The following BRD7 variants were observed in gnomAD, a reference collection of about 807,000 sequenced individuals.
BRD7 encodes the protein bromodomain containing 7, also known as bromodomain-containing protein 7.
Under a neutral mutation model 82.1 loss-of-function variants are expected in BRD7, and 15 were observed. The observed-to-expected ratio is 0.18, with a 90% CI of 0.12 to 0.28. BRD7 has a LOEUF of 0.28. Ranked by LOEUF, BRD7 falls within the 10% of genes least tolerant of loss-of-function variation. The pLI is 1.00. For missense variants in BRD7, 638 were observed against 779.9 expected (o/e 0.82, Z 2.17); for synonymous variants, 232 against 266.9 (o/e 0.87, Z 1.27).
chr16:50,320,110 C>A, intron 15 of BRD7, 80 bp from the exon 16 acceptor site: 1 of 1,515,302 alleles, frequency 6.6e-7, no homozygotes. Context: ...TAAATGTACA[C>A]ATGCAAAGAA....
At chr16:50,321,935 C>T (rs1350349083) in intron 13 of BRD7, 47 bp downstream of exon 13, 1 of 1,548,074 alleles carries the variant, frequency 6.5e-7, no homozygotes, top group Non-Finnish European at 8.9e-7. Flanking sequence ...TCTTACTCCC[C>T]TTATTTTCCA....
intron 5 of BRD7, among the ~76,000 whole-genome samples, chr16:50,342,984 T>C (rs1215216739): frequency 6.6e-6 from 1 of 152,156 alleles, no homozygotes; most frequent in Non-Finnish European, 1.5e-5. Flanking sequence ...GTATATATAT[T>C]ATAAGTTTTC....
chr16:50,324,930 C>T (rs111706459), intron 11 of BRD7, among the ~76,000 whole-genome samples: 45 of 152,308 alleles, frequency 3.0e-4, no homozygotes, highest in African/African-American at 7.2e-4. Flanking sequence ...CAGTCAACTT[C>T]GGACTTAAGG....
intron 5 of BRD7, among the ~76,000 whole-genome samples, chr16:50,342,473 T>TTC (rs2038107586): frequency 1.3e-5 from 2 of 149,158 alleles, no homozygotes; most frequent in African/African-American, 5.0e-5. Flanking sequence ...TTTTTTTTTT[T>TTC]TTTGAGATGG....
intron 2 of BRD7, among the ~76,000 whole-genome samples, chr16:50,356,812 GGTA>G (rs1428175409): frequency 6.6e-6 from 1 of 151,872 alleles, no homozygotes; most frequent in Admixed American, 6.6e-5. Flanking sequence ...GTATCAAGAT[GGTA>G]GTTTTATTAT....
chr16:50,334,931 G>T (rs750647482), intron 6 of BRD7, 36 bp from the exon 7 acceptor site: 2 of 1,586,622 alleles, frequency 1.3e-6, no homozygotes. Context: ...TTATATGTTT[G>T]TCATTAACTT....
chr16:50,320,798 A>C (rs1253176040), intron 13 of BRD7, 24 bp from the exon 14 acceptor site: 1 of 1,526,648 alleles, frequency 6.6e-7, no homozygotes, highest in East Asian at 2.2e-5. Context: ...AAAAACAGGC[A>C]ATTACTGGCG....
At chr16:50,365,013 G>A (rs2039085096) in intron 2 of BRD7, among the ~76,000 whole-genome samples, 2 of 152,146 alleles carry the variant, frequency 1.3e-5, no homozygotes, top group South Asian at 2.1e-4. Flanking sequence ...GGAGACGGAA[G>A]GCAAATGGGG....
chr16:50,328,651 G>A lies in BRD7; in HGVS notation c.1087+18C>T, dbSNP rs775705058. 1 of 1,608,282 alleles carries A rather than the reference G, an allele frequency of 6.2e-7. No homozygotes were observed. Among genetic ancestry groups the A allele is most frequent in the Non-Finnish European group, 8.5e-7 (1 of 1,177,524 alleles). ...CCAAATAGCATCAAGTTCATGCACA[G>A]TTTTACTCTGATCCTACCTCCTACA... On this transcript the variant is annotated intron_variant, in intron 9 of 16. Coordinates refer to ENST00000394688, the MANE Select transcript of BRD7 (RefSeq NM_013263.5).
Position 50,368,770 on chromosome 16 carries a change from C to T in BRD7, c.5G>A (p.Gly2Asp), listed in dbSNP as rs1380828577. The T allele has an allele frequency of 4.5e-6, 7 of 1,542,626 alleles. No homozygotes were observed. The Admixed American group carries it at 9.7e-5, about 21-fold the overall frequency. M[G>D]KKHKKHKSDK... ...CGACTTGTGCTTCTTGTGCTTCTTGCCCATGTCCGACCGGGCCCCGGTGCC... is the reference window on the plus strand; with the variant it reads ...CGACTTGTGCTTCTTGTGCTTCTTGTCCATGTCCGACCGGGCCCCGGTGCC... The change falls in exon 1 of 17, where the codon GGC (glycine) becomes GAC (aspartate). Residue 2 changes from glycine (G) to aspartate (D), a missense_variant. Gly to Asp is a moderately conservative substitution (Grantham distance 94, BLOSUM62 -1). This residue lies in a region of BRD7 where 172 missense variants were observed against 155.3 expected (regional missense o/e 1.11). Coordinates refer to ENST00000394688, the MANE Select transcript of BRD7 (RefSeq NM_013263.5).
Position 50,325,749 on chromosome 16 carries a change from T to C in BRD7, c.1330A>G (p.Ser444Gly). The stretch of plus-strand genomic sequence containing the variant: ...TCAGAATATTAACTGGAAACTCACC[T>C]GAAATCACTTGGAAGATCAGAGTCT... ...GEDSDLPSDF[S>G]IHEFLATCQD... Residue 444 changes from serine (S) to glycine (G), a missense_variant and splice_region_variant, in exon 11 of 17, where the codon AGC becomes GGC. Around this residue, in one of 3 missense-constraint regions of BRD7, gnomAD observed 402 missense variants for 500.8 expected, o/e 0.80. Coordinates refer to ENST00000394688, the MANE Select transcript of BRD7 (RefSeq NM_013263.5). 1 of 1,591,890 alleles carries C rather than the reference T, an allele frequency of 6.3e-7. No homozygotes were observed. The highest frequency in any genetic ancestry group is 1.9e-5 in the Admixed American group (1 of 53,182).
At chr16:50,337,103 G>A (rs2037834009) in intron 6 of BRD7, among the ~76,000 whole-genome samples, 1 of 152,112 alleles carries the variant, frequency 6.6e-6, no homozygotes, top group Non-Finnish European at 1.5e-5. Context: ...CTTCCAAAGG[G>A]TAGAGCTAGG....
chr16:50,323,482 G>A (rs2037205087), intron 12 of BRD7, 105 bp downstream of exon 12: 1 of 958,782 alleles, frequency 1.0e-6, no homozygotes, highest in African/African-American at 1.6e-5. Context: ...CAGGGCCACA[G>A]AGTTCAGCTG....
intron 5 of BRD7, among the ~76,000 whole-genome samples, chr16:50,348,088 G>A (rs1024813935): frequency 1.3e-4 from 20 of 152,148 alleles, no homozygotes; most frequent in Admixed American, 1.2e-3. Context: ...ACAGAACAGA[G>A]CACTCAGAAA....
Position 50,368,812 on chromosome 16 carries a change from C to G in BRD7, c.-38G>C. 1.4e-6 allele frequency: 2 copies of G among 1,467,134 alleles called. No individual in the cohort carries two copies. Among genetic ancestry groups the G allele is most frequent in the African/African-American group, 3.0e-5 (2 of 67,716 alleles). The allele number at this position is 1,467,134 out of a possible 1,614,324, so 90.9% of individuals were successfully genotyped here. The stretch of plus-strand genomic sequence containing the variant: ...CCCGGTGCCCGCCCCCCGCGCCAGG[C>G]CCAGGCCGTGCGGCGCCGCTTCCGG... On this transcript the variant is annotated 5_prime_UTR_variant, in exon 1 of 17. Coordinates refer to ENST00000394688, the MANE Select transcript of BRD7 (RefSeq NM_013263.5).
intron 5 of BRD7, chr16:50,349,368 A>G (rs982376991): frequency 1.2e-5 from 4 of 337,568 alleles, no homozygotes; most frequent in Admixed American, 8.4e-5. Context: ...CACGTTGTGC[A>G]CATGTACCCT....
intron 2 of BRD7, among the ~76,000 whole-genome samples, chr16:50,356,775 T>G (rs898703110): frequency 1.3e-5 from 2 of 151,916 alleles, no homozygotes; most frequent in African/African-American, 4.8e-5. Context: ...TGGCTAAATG[T>G]TGAGATCTGT....
chr16:50,321,855 A>T, intron 13 of BRD7, 127 bp downstream of exon 13: 4 of 780,900 alleles, frequency 5.1e-6, no homozygotes, highest in Non-Finnish European at 6.4e-6. Context: ...CATTTCAGCT[A>T]GGCCCTCACA....
Position 50,340,009 on chromosome 16 carries a change from C to T in BRD7, c.669G>A (p.Lys223=), listed in dbSNP as rs150219867. ...PETIYYKAAK[K]LLHSGMKILS... ...GAATTTTCATTCCTGAGTGCAACAG[C>T]TTCTTTGCAGCTTTATAATAAATGG... is the stretch of plus-strand genomic sequence containing the variant. The change falls in exon 6 of 17, where the codon AAG becomes AAA. Residue 223 remains lysine, a synonymous_variant. Transcript: ENST00000394688. The T allele has an allele frequency of 5.6e-6, 9 of 1,599,096 alleles. No homozygotes were observed. The highest frequency in any genetic ancestry group is 7.7e-6 in the Non-Finnish European group (9 of 1,173,260).
Sources: gnomAD v4.1 joint callset for allele counts (sites outside exome capture counted in the v4.1 genomes callset) on GRCh38, gnomAD v4.1.1 for gene constraint, gnomAD v4.1.1 regional missense constraint, MANE v1.5 for transcripts, NCBI Gene and HGNC (gene_info 2026-07-23, HGNC 2026-07-21) for gene names.